Variants in FAM107B observed in about 807,000 individuals in gnomAD.
FAM107B encodes the protein family with sequence similarity 107 member B, also known as protein FAM107B.
FAM107B carries 21 observed loss-of-function variants against 31.5 expected under a neutral mutation model. That is an observed-to-expected ratio of 0.67 (90% CI 0.47 to 0.96). FAM107B has a LOEUF of 0.96. FAM107B is among the 40% of genes least tolerant of loss of function. FAM107B has a pLI of 0.00. For missense variants in FAM107B, 452 were observed against 377.1 expected (o/e 1.20, Z -1.64); for synonymous variants, 157 against 141.5 (o/e 1.11, Z -0.78).
At chr10:14,660,287 TGGCCTG>T (rs1854199236) in intron 2 of FAM107B, among the ~76,000 whole-genome samples, 1 of 152,168 alleles carries the variant, frequency 6.6e-6, no homozygotes, top group Admixed American at 6.5e-5. Context: ...CAAAAAAACC[TGGCCTG>T]TTTCTAAAGC....
intron 1 of FAM107B, among the ~76,000 whole-genome samples, chr10:14,759,148 A>T (rs1191910100): frequency 2.0e-5 from 3 of 151,650 alleles, no homozygotes; most frequent in Non-Finnish European, 2.9e-5. Context: ...CTGCACTTCC[A>T]GCCTGGGCAA....
intron 2 of FAM107B, among the ~76,000 whole-genome samples, chr10:14,563,574 T>C (rs34245912): frequency 0.48 from 72,965 of 152,086 alleles, 17,722 homozygotes; most frequent in South Asian, 0.63. Flanking sequence ...AGACAAATTT[T>C]AATGTAACAG....
At chr10:14,583,641 C>T (rs897876003) in intron 2 of FAM107B, among the ~76,000 whole-genome samples, 3 of 151,890 alleles carry the variant, frequency 2.0e-5, no homozygotes, top group Non-Finnish European at 2.9e-5. Context: ...TGGGTGGGGA[C>T]GGAGGAAGAA....
At position 14,519,519 on chromosome 10, in the gene FAM107B, T is replaced by C. The variant is rs898878617; in HGVS notation, c.*1671A>G. Reference sequence around the variant, plus strand: ...AATTACTGTAGAGCAACAATTTTTCTTAAGCATTTCTCATTTTATTCAAAT... The same window carrying C: ...AATTACTGTAGAGCAACAATTTTTCCTAAGCATTTCTCATTTTATTCAAAT... On this transcript the variant is annotated 3_prime_UTR_variant, in exon 5 of 5. Coordinates refer to ENST00000181796, the MANE Select transcript of FAM107B (RefSeq NM_031453.4). 1 of 152,234 alleles carries C rather than the reference T, an allele frequency of 6.6e-6. No homozygotes were observed. Among genetic ancestry groups the C allele is most frequent in the Non-Finnish European group, 1.5e-5 (1 of 68,038 alleles). 9.4% of individuals were successfully genotyped at this position (152,234 alleles called of 1,614,324 possible).
At chr10:14,671,675 GT>G (rs1482353853) in intron 1 of FAM107B, among the ~76,000 whole-genome samples, 2 of 152,038 alleles carry the variant, frequency 1.3e-5, no homozygotes, top group Non-Finnish European at 2.9e-5. Flanking sequence ...AGAGACAGGG[GT>G]TGCAGCTGCT....
intron 2 of FAM107B, among the ~76,000 whole-genome samples, chr10:14,593,868 T>C (rs1852095995): frequency 6.6e-6 from 1 of 152,140 alleles, no homozygotes; most frequent in African/African-American, 2.4e-5. Flanking sequence ...ATATAGACTA[T>C]ATGTGGCAGG....
chr10:14,572,759 ATTAGAGTGTGTG>A (rs1851319882), intron 2 of FAM107B, among the ~76,000 whole-genome samples: 1 of 141,242 alleles, frequency 7.1e-6, no homozygotes, highest in Non-Finnish European at 1.5e-5. Context: ...ATATATATAT[ATTAGAGTGTGTG>A]TGTATATATG....
chr10:14,700,575 G>T (rs576961036), intron 1 of FAM107B, among the ~76,000 whole-genome samples: 1 of 152,042 alleles, frequency 6.6e-6, no homozygotes, highest in Admixed American at 6.6e-5. Flanking sequence ...GAGGGGTGGG[G>T]TGGGAGTCTG....
chr10:14,641,697 T>C (rs900585191), intron 2 of FAM107B, among the ~76,000 whole-genome samples: 2 of 152,178 alleles, frequency 1.3e-5, no homozygotes, highest in South Asian at 2.1e-4. Context: ...CTGAACCTAA[T>C]TGGGAATCTT....
At chr10:14,563,131 G>A (rs1850382970) in intron 2 of FAM107B, among the ~76,000 whole-genome samples, 1 of 152,154 alleles carries the variant, frequency 6.6e-6, no homozygotes, top group African/African-American at 2.4e-5. Context: ...ACTTGAGGGA[G>A]AAAACAGATC....
chr10:14,530,250 C>G, intron 3 of FAM107B, 82 bp downstream of exon 3: 1 of 1,357,122 alleles, frequency 7.4e-7, no homozygotes, highest in Non-Finnish European at 1.0e-6. Context: ...CTCTTTGAAG[C>G]CTCTGTAAAT....
chr10:14,757,109 A>C (rs911916230), intron 1 of FAM107B, among the ~76,000 whole-genome samples: 1 of 152,168 alleles, frequency 6.6e-6, no homozygotes, highest in Non-Finnish European at 1.5e-5. Flanking sequence ...CCATGACACA[A>C]GTTTACATAT....
intron 2 of FAM107B, among the ~76,000 whole-genome samples, chr10:14,665,884 T>C (rs1854391599): frequency 6.6e-6 from 1 of 152,246 alleles, no homozygotes. Context: ...ATTTGTTGTC[T>C]TGAGGGCAAG....
intron 2 of FAM107B, among the ~76,000 whole-genome samples, chr10:14,618,988 AGATTGGAGT>A (rs1852925044): frequency 6.6e-6 from 1 of 152,170 alleles, no homozygotes; most frequent in African/African-American, 2.4e-5. Context: ...ACAGGGGCAG[AGATTGGAGT>A]GATGTATCAA....
At chr10:14,581,886 T>G (rs1851647897) in intron 2 of FAM107B, among the ~76,000 whole-genome samples, 1 of 152,098 alleles carries the variant, frequency 6.6e-6, no homozygotes, top group South Asian at 2.1e-4. Flanking sequence ...CCAGACTGGG[T>G]AACAGAGCAA....
chr10:14,624,017 G>A (rs1479251170), intron 2 of FAM107B, among the ~76,000 whole-genome samples: 2 of 152,134 alleles, frequency 1.3e-5, no homozygotes, highest in Non-Finnish European at 2.9e-5. Flanking sequence ...TTCTCCTGAA[G>A]AATGGAGCAT....
At chr10:14,543,457 G>T (rs1588532527) in intron 2 of FAM107B, among the ~76,000 whole-genome samples, 1 of 151,964 alleles carries the variant, frequency 6.6e-6, no homozygotes, top group Non-Finnish European at 1.5e-5. Flanking sequence ...CGGGAGAGAG[G>T]CACGGTGGTG....
intron 1 of FAM107B, among the ~76,000 whole-genome samples, chr10:14,716,371 C>T (rs1042088242): frequency 1.3e-5 from 2 of 152,184 alleles, no homozygotes; most frequent in Admixed American, 6.5e-5. Context: ...AGCTGCTCAC[C>T]GGCTGTTGGC....
chr10:14,638,437 A>G (rs79461267), intron 2 of FAM107B, among the ~76,000 whole-genome samples: 4,719 of 152,272 alleles, frequency 0.031, 101 homozygotes, highest in Non-Finnish European at 0.051. Flanking sequence ...CAGAAAATCC[A>G]CCTACTCCCA....
Sources: allele counts gnomAD v4.1 joint callset (sites outside exome capture counted in the v4.1 genomes callset), GRCh38; gene constraint gnomAD v4.1.1; transcripts MANE v1.5; gene names NCBI Gene and HGNC (gene_info 2026-07-23, HGNC 2026-07-21).